The following RORA variants were observed in gnomAD, a reference collection of about 807,000 sequenced individuals.
The protein encoded by RORA is nuclear receptor ROR-alpha.
RORA carries 7 observed loss-of-function variants against 69.5 expected under a neutral mutation model. That is an observed-to-expected ratio of 0.10 (90% CI 0.06 to 0.19). The LOEUF (loss-of-function observed/expected upper bound fraction) is 0.19, where lower values mean the gene tolerates loss of function less well. RORA is among the 10% of genes least tolerant of loss of function. RORA has a pLI of 1.00. For missense variants in RORA, 457 were observed against 663.0 expected (o/e 0.69, Z 3.41); for synonymous variants, 261 against 240.8 (o/e 1.08, Z -0.78).
chr15:60,653,785 T>TC (rs2070182181), intron 2 of RORA, among the ~76,000 whole-genome samples: 1 of 151,892 alleles, frequency 6.6e-6, no homozygotes, highest in Non-Finnish European at 1.5e-5. Flanking sequence ...TGTCTCATTT[T>TC]TTTTTTACTC....
In RORA at chr15:60,497,356, CA is replaced by C; in HGVS notation, c.*98del. 1.0e-6 allele frequency: 1 copy of C among 984,838 alleles called. No individual in the cohort carries two copies. Among genetic ancestry groups the C allele is most frequent in the Non-Finnish European group, 1.5e-6 (1 of 653,752 alleles). The allele number at this position is 984,838 out of a possible 1,614,324, so 61.0% of individuals were successfully genotyped here. A position where few individuals can be genotyped will look rare whatever the true frequency, so the allele number is the denominator to read the frequency against. ...AAAAGATGTGCAGTGTGTGGCGCTC[CA>C]GGTCTGTGCAGGGCCATATAAAGTG... On this transcript the variant is annotated 3_prime_UTR_variant, in exon 11 of 11. Coordinates refer to ENST00000335670, the MANE Select transcript of RORA (RefSeq NM_134261.3).
At chr15:60,613,048 T>C (rs1353283198) in intron 2 of RORA, among the ~76,000 whole-genome samples, 1 of 151,794 alleles carries the variant, frequency 6.6e-6, no homozygotes, top group South Asian at 2.1e-4. Context: ...CTATTTAAAG[T>C]GTAGGTGAAG....
intron 1 of RORA, among the ~76,000 whole-genome samples, chr15:60,696,736 G>A (rs560732351): frequency 7.2e-5 from 11 of 152,268 alleles, no homozygotes; most frequent in Non-Finnish European, 1.6e-4. Flanking sequence ...CACTTGCGGA[G>A]CCAAAATTCT....
chr15:60,991,699 G>T (rs187131840), intron 1 of RORA, among the ~76,000 whole-genome samples: 1 of 152,172 alleles, frequency 6.6e-6, no homozygotes, highest in East Asian at 1.9e-4. Flanking sequence ...GCAGTTCAAG[G>T]CTAGCTTGGG....
chr15:61,036,563 G>A (rs910797295), intron 1 of RORA, among the ~76,000 whole-genome samples: 4 of 152,016 alleles, frequency 2.6e-5, no homozygotes, highest in African/African-American at 2.4e-5. Flanking sequence ...GCAGGTCTGC[G>A]CGTTTTAATA....
intron 1 of RORA, among the ~76,000 whole-genome samples, chr15:60,782,621 T>G (rs1292491112): frequency 6.6e-6 from 1 of 152,222 alleles, no homozygotes; most frequent in African/African-American, 2.4e-5. Flanking sequence ...ATGGAGACTC[T>G]TCCACAGCTG....
At chr15:61,218,175 TTGTGTGTGTGTGTG>T (rs72135304) in intron 1 of RORA, among the ~76,000 whole-genome samples, 1 of 148,396 alleles carries the variant, frequency 6.7e-6, no homozygotes, top group African/African-American at 2.5e-5. Context: ...CATGAAATGT[TTGTGTGTGTGTGTG>T]TGTGTGTGTG....
intron 2 of RORA, among the ~76,000 whole-genome samples, chr15:60,635,509 G>T (rs1451409374): frequency 1.3e-5 from 2 of 152,072 alleles, no homozygotes; most frequent in Non-Finnish European, 2.9e-5. Flanking sequence ...CTTTATTAAG[G>T]TGTTTCTTGC....
intron 1 of RORA, among the ~76,000 whole-genome samples, chr15:60,823,896 T>C (rs1353985910): frequency 6.6e-6 from 1 of 152,238 alleles, no homozygotes; most frequent in Non-Finnish European, 1.5e-5. Flanking sequence ...AAATATTTAT[T>C]AAATACATCT....
At chr15:60,650,086 A>G (rs2070116884) in intron 2 of RORA, among the ~76,000 whole-genome samples, 1 of 152,148 alleles carries the variant, frequency 6.6e-6, no homozygotes, top group Non-Finnish European at 1.5e-5. Flanking sequence ...GCAGAACTTT[A>G]TCTTTACAAT....
chr15:60,833,196 C>T (rs1330207032), intron 1 of RORA, among the ~76,000 whole-genome samples: 1 of 151,378 alleles, frequency 6.6e-6, no homozygotes, highest in Non-Finnish European at 1.5e-5. Flanking sequence ...GACCACCATG[C>T]CCAGCCGAGT....
chr15:60,506,766 C>T (rs2065517758), intron 5 of RORA, among the ~76,000 whole-genome samples: 1 of 151,994 alleles, frequency 6.6e-6, no homozygotes, highest in Non-Finnish European at 1.5e-5. Context: ...GCAGGTGGAT[C>T]ACCTGAGGTC....
intron 5 of RORA, among the ~76,000 whole-genome samples, chr15:60,507,775 G>A (rs1361798033): frequency 6.6e-6 from 1 of 152,122 alleles, no homozygotes; most frequent in Non-Finnish European, 1.5e-5. Context: ...AAGAGTCTTC[G>A]CAGGGAAGTA....
At chr15:60,872,339 T>G (rs1426706617) in intron 1 of RORA, among the ~76,000 whole-genome samples, 14 of 152,134 alleles carry the variant, frequency 9.2e-5, no homozygotes, top group Admixed American at 9.2e-4. Context: ...CAAAATGCGG[T>G]CTGAGCAAGA....
intron 1 of RORA, among the ~76,000 whole-genome samples, chr15:60,859,433 C>G (rs150022302): frequency 3.9e-3 from 591 of 151,214 alleles, no homozygotes; most frequent in Middle Eastern, 0.018. Context: ...ACAGAGATCT[C>G]GAGCTCCACC....
intron 1 of RORA, among the ~76,000 whole-genome samples, chr15:60,926,004 G>A (rs1451556696): frequency 6.6e-6 from 1 of 152,198 alleles, no homozygotes; most frequent in Non-Finnish European, 1.5e-5. Flanking sequence ...CATGATTGGA[G>A]GCACCCCTGA....
At chr15:61,222,898 T>C (rs1251759990) in intron 1 of RORA, among the ~76,000 whole-genome samples, 1 of 152,220 alleles carries the variant, frequency 6.6e-6, no homozygotes, top group African/African-American at 2.4e-5. Context: ...CCCTTCAATA[T>C]ATCTATGTAA....
chr15:61,215,949 G>T (rs1401687076), intron 1 of RORA, among the ~76,000 whole-genome samples: 1 of 151,980 alleles, frequency 6.6e-6, no homozygotes, highest in Non-Finnish European at 1.5e-5. Context: ...TATTAGAATC[G>T]GCTTCCAACA....
chr15:60,672,849 T>C (rs1198107319), intron 2 of RORA, among the ~76,000 whole-genome samples: 1 of 152,256 alleles, frequency 6.6e-6, no homozygotes, highest in African/African-American at 2.4e-5. Context: ...CTACAAGTAA[T>C]GGTACTACTG....
Sources: gnomAD v4.1 joint callset for allele counts (sites outside exome capture counted in the v4.1 genomes callset) on GRCh38, gnomAD v4.1.1 for gene constraint, MANE v1.5 for transcripts, NCBI Gene and HGNC (gene_info 2026-07-23, HGNC 2026-07-21) for gene names.